Variants in GALNTL6 observed in about 807,000 individuals in gnomAD.
GALNTL6 encodes the protein polypeptide N-acetylgalactosaminyltransferase like 6, also known as polypeptide N-acetylgalactosaminyltransferase-like 6.
GALNTL6 carries 46 observed loss-of-function variants against 73.7 expected under a neutral mutation model. The observed-to-expected ratio is 0.62, with a 90% CI of 0.49 to 0.80. The LOEUF is 0.80. Among genes scored for constraint, GALNTL6 ranks in the 30% least tolerant of loss-of-function variants. The probability of loss-of-function intolerance (pLI) is 0.00; values close to 1 mark genes in which losing one functional copy is unlikely to be tolerated. For missense variants in GALNTL6, 604 were observed against 755.0 expected (o/e 0.80, Z 2.34); for synonymous variants, 259 against 263.7 (o/e 0.98, Z 0.17).
intron 2 of GALNTL6, among the ~76,000 whole-genome samples, chr4:171,973,679 C>G (rs1739635604): frequency 6.6e-6 from 1 of 152,098 alleles, no homozygotes; most frequent in Non-Finnish European, 1.5e-5. Flanking sequence ...TTCAACATAT[C>G]TTTTTAGGGG....
At chr4:172,283,005 G>A (rs568621573) in intron 3 of GALNTL6, among the ~76,000 whole-genome samples, 1 of 152,208 alleles carries the variant, frequency 6.6e-6, no homozygotes, top group South Asian at 2.1e-4. Flanking sequence ...GTTTCTCTTT[G>A]CTCTACATTT....
chr4:172,168,687 AATG>A (rs1734713978), intron 2 of GALNTL6, among the ~76,000 whole-genome samples: 1 of 151,904 alleles, frequency 6.6e-6, no homozygotes, highest in South Asian at 2.1e-4. Context: ...GTGACATAAT[AATG>A]ATGATGGTGA....
intron 5 of GALNTL6, among the ~76,000 whole-genome samples, chr4:172,497,994 T>TTC (rs1342201386): frequency 6.8e-5 from 10 of 147,414 alleles, no homozygotes; most frequent in African/African-American, 2.3e-4. Flanking sequence ...CACATTTCTT[T>TTC]TTTTTTTGTT....
At chr4:171,926,977 T>C (rs1738002824) in intron 2 of GALNTL6, among the ~76,000 whole-genome samples, 1 of 152,146 alleles carries the variant, frequency 6.6e-6, no homozygotes, top group East Asian at 1.9e-4. Flanking sequence ...GTTGTTAAAA[T>C]GGTCCTCATA....
intron 5 of GALNTL6, among the ~76,000 whole-genome samples, chr4:172,496,394 T>G (rs1430107146): frequency 6.6e-6 from 1 of 152,090 alleles, no homozygotes; most frequent in South Asian, 2.1e-4. Context: ...ATTTTATTAA[T>G]AAATTATAGT....
intron 7 of GALNTL6, among the ~76,000 whole-genome samples, chr4:172,822,778 G>A (rs928819258): frequency 6.6e-6 from 1 of 152,132 alleles, no homozygotes; most frequent in African/African-American, 2.4e-5. Flanking sequence ...GTTTTTCGTA[G>A]GGGTTTTTTT....
Position 172,703,816 on chromosome 4 carries a change from T to C in GALNTL6, c.554-105545T>C, listed in dbSNP as rs185883560. ...TGGTAGAATTCAGCAGTGAAGCCAT[T>C]CAGTCCTGAACTTTTCTTTCCTGAG... On this transcript the variant is annotated intron_variant, in intron 5 of 12. Transcript: ENST00000506823. Among the ~76,000 whole-genome samples, 88 of 152,110 alleles carry C rather than the reference T, an allele frequency of 5.8e-4. 1 individual carries two copies. In the East Asian group the frequency reaches 0.016, roughly 27 times the overall value.
chr4:172,904,070 TTC>T (rs1746758523), intron 8 of GALNTL6, among the ~76,000 whole-genome samples: 1 of 152,104 alleles, frequency 6.6e-6, no homozygotes. Flanking sequence ...GAACAATTCT[TTC>T]TGTTTTTGTA....
At chr4:172,315,917 G>T (rs1327822783) in intron 4 of GALNTL6, among the ~76,000 whole-genome samples, 2 of 151,814 alleles carry the variant, frequency 1.3e-5, no homozygotes, top group African/African-American at 4.8e-5. Flanking sequence ...TATAGTTCAG[G>T]ATGGGAGACA....
At chr4:172,385,919 A>G (rs1167687444) in intron 5 of GALNTL6, among the ~76,000 whole-genome samples, 4 of 144,292 alleles carry the variant, frequency 2.8e-5, no homozygotes, top group Non-Finnish European at 4.4e-5. Context: ...ACACACACAC[A>G]TATATATATT....
chr4:173,024,457 C>A lies in GALNTL6; in HGVS notation c.1638+2832C>A, dbSNP rs1482967639. Among the ~76,000 whole-genome samples the A allele has an allele frequency of 4.6e-5, 7 of 152,350 alleles. No homozygotes were observed. In the East Asian group the frequency reaches 1.3e-3, roughly 29 times the overall value. On this transcript the variant is annotated intron_variant, in intron 12 of 12. Transcript: ENST00000506823. ...GACACACCTGTTTTAGAAAATTCCTCTTGTTTTTTCCAAGGGCTATGCCTA... is the reference window on the plus strand; with the variant it reads ...GACACACCTGTTTTAGAAAATTCCTATTGTTTTTTCCAAGGGCTATGCCTA...
chr4:172,735,625 T>A (rs1736414833), intron 5 of GALNTL6, among the ~76,000 whole-genome samples: 1 of 152,118 alleles, frequency 6.6e-6, no homozygotes, highest in African/African-American at 2.4e-5. Context: ...GACATGAGAT[T>A]TGGGAGGGGC....
At chr4:172,655,875 C>T (rs1730971961) in intron 5 of GALNTL6, among the ~76,000 whole-genome samples, 1 of 152,002 alleles carries the variant, frequency 6.6e-6, no homozygotes, top group Admixed American at 6.6e-5. Flanking sequence ...GCAAGTACCT[C>T]CTTTCATTAA....
chr4:172,327,774 C>A (rs1740993457), intron 4 of GALNTL6, among the ~76,000 whole-genome samples: 1 of 151,980 alleles, frequency 6.6e-6, no homozygotes, highest in African/African-American at 2.4e-5. Flanking sequence ...TTATTTTGAG[C>A]CTATGGATAT....
At chr4:172,966,803 T>A (rs2126395516) in intron 10 of GALNTL6, among the ~76,000 whole-genome samples, 1 of 152,360 alleles carries the variant, frequency 6.6e-6, no homozygotes, top group African/African-American at 2.4e-5. Flanking sequence ...TTCCTCTAAG[T>A]GTCCTTGAAA....
intron 2 of GALNTL6, among the ~76,000 whole-genome samples, chr4:171,978,014 T>C (rs1303800229): frequency 6.6e-6 from 1 of 152,274 alleles, no homozygotes; most frequent in Middle Eastern, 3.4e-3. Context: ...TTTCTTGTAT[T>C]CTTTAGAGAT....
intron 8 of GALNTL6, among the ~76,000 whole-genome samples, chr4:172,884,591 T>C (rs949015477): frequency 3.3e-5 from 5 of 152,220 alleles, no homozygotes; most frequent in Non-Finnish European, 5.9e-5. Flanking sequence ...ACTTTGTTGA[T>C]TGTTTCCTTG....
chr4:172,439,931 C>T (rs1471214766), intron 5 of GALNTL6, among the ~76,000 whole-genome samples: 1 of 152,008 alleles, frequency 6.6e-6, no homozygotes, highest in East Asian at 1.9e-4. Context: ...ATCATAATCA[C>T]CCGAAGTCCC....
chr4:172,717,558 G>A (rs1001286808), intron 5 of GALNTL6, among the ~76,000 whole-genome samples: 1 of 152,140 alleles, frequency 6.6e-6, no homozygotes, highest in African/African-American at 2.4e-5. Context: ...CTATTTTAGG[G>A]TTGATATACA....
Sources: gnomAD v4.1 joint callset for allele counts (sites outside exome capture counted in the v4.1 genomes callset) on GRCh38, gnomAD v4.1.1 for gene constraint, MANE v1.5 for transcripts, NCBI Gene and HGNC (gene_info 2026-07-23, HGNC 2026-07-21) for gene names.